FAT3: variants seen among roughly 807,000 people sequenced by gnomAD.
FAT3 encodes the protein protocadherin Fat 3.
Under a neutral mutation model 310.2 loss-of-function variants are expected in FAT3, and 95 were observed. That is an observed-to-expected ratio of 0.31 (90% CI 0.26 to 0.36). The LOEUF (loss-of-function observed/expected upper bound fraction) is 0.36. Among genes scored for constraint, FAT3 ranks in the 10% least tolerant of loss-of-function variants. The pLI is 1.00. For synonymous variants in FAT3, 2,314 were observed against 2,192.9 expected, an observed-to-expected ratio of 1.06 and a Z score of -1.54; for missense variants, 5,408 against 5,715.6, an observed-to-expected ratio of 0.95 and a Z score of 1.74.
chr11:92,612,979 A>G (rs1940635727), intron 3 of FAT3, among the ~76,000 whole-genome samples: 1 of 152,194 alleles, frequency 6.6e-6, no homozygotes, highest in Non-Finnish European at 1.5e-5. Context: ...GAAAAGACTG[A>G]GTAATGCAGC....
At chr11:92,548,477 G>A (rs1954690691) in intron 3 of FAT3, among the ~76,000 whole-genome samples, 1 of 152,162 alleles carries the variant, frequency 6.6e-6, no homozygotes, top group Non-Finnish European at 1.5e-5. Flanking sequence ...CATAAGAAAA[G>A]GGAGCAGCAA....
chr11:92,701,421 G>A (rs757576157), intron 4 of FAT3, among the ~76,000 whole-genome samples: 14 of 152,144 alleles, frequency 9.2e-5, no homozygotes, highest in Non-Finnish European at 1.5e-4. Context: ...ATAAAAGGAG[G>A]GTTGTCATTA....
intron 1 of FAT3, among the ~76,000 whole-genome samples, chr11:92,242,735 C>T (rs1301465043): frequency 6.6e-6 from 1 of 151,940 alleles, no homozygotes; most frequent in Non-Finnish European, 1.5e-5. Context: ...GGTTTCGTAT[C>T]TGAATCTTAT....
intron 2 of FAT3, among the ~76,000 whole-genome samples, chr11:92,503,283 AC>A (rs1441296818): frequency 3.9e-5 from 6 of 152,266 alleles, no homozygotes; most frequent in East Asian, 3.9e-4. Context: ...ATATTGCCTT[AC>A]CAAAAAAAGT....
chr11:92,478,782 A>C (rs564830416), intron 2 of FAT3, among the ~76,000 whole-genome samples: 1 of 151,912 alleles, frequency 6.6e-6, no homozygotes, highest in South Asian at 2.1e-4. Context: ...ACACTTGGCT[A>C]CTAAAAATTT....
chr11:92,879,053 G>A (rs1258689757), intron 22 of FAT3, among the ~76,000 whole-genome samples: 3 of 148,848 alleles, frequency 2.0e-5, no homozygotes, highest in Non-Finnish European at 2.9e-5. Context: ...TTAAAGAGAG[G>A]GGAAAAAAAA....
chr11:92,876,335 C>T (rs889670697), intron 22 of FAT3, among the ~76,000 whole-genome samples: 1 of 152,196 alleles, frequency 6.6e-6, no homozygotes, highest in Admixed American at 6.5e-5. Flanking sequence ...AAGCGTTTTT[C>T]CCAATCCCAG....
chr11:92,228,582 T>A (rs999322903), intron 1 of FAT3, among the ~76,000 whole-genome samples: 6 of 152,206 alleles, frequency 3.9e-5, no homozygotes, highest in African/African-American at 1.4e-4. Context: ...TGATGAATTA[T>A]GTCAAATAGA....
chr11:92,553,029 G>GAGACAGAAT (rs1565405726), intron 3 of FAT3, among the ~76,000 whole-genome samples: 2 of 151,088 alleles, frequency 1.3e-5, no homozygotes, highest in Non-Finnish European at 2.9e-5. Flanking sequence ...AATAGAGGAA[G>GAGACAGAAT]ATAGAGACAG....
At chr11:92,467,261 A>G (rs1951787784) in intron 2 of FAT3, among the ~76,000 whole-genome samples, 1 of 152,056 alleles carries the variant, frequency 6.6e-6, no homozygotes, top group Non-Finnish European at 1.5e-5. Flanking sequence ...TGACTTTTTA[A>G]TGATTGCCAT....
At position 92,528,040 on chromosome 11, in the gene FAT3, C is replaced by A. The variant is rs573559494; in HGVS notation, c.3607+3092C>A. Among the ~76,000 whole-genome samples, 8 of 152,234 alleles carry A rather than the reference C, an allele frequency of 5.3e-5. No homozygotes were observed. The East Asian group carries it at 1.4e-3, about 26-fold the overall frequency. On this transcript the variant is annotated intron_variant, in intron 3 of 27. Transcript: ENST00000525166. ...TAATAAAGATTAAAATGATTAACGC[C>A]AACGCAAATAATGCCAAGATGTATG... is the stretch of plus-strand genomic sequence containing the variant.
chr11:92,727,443 C>T (rs905803288), intron 4 of FAT3, among the ~76,000 whole-genome samples: 4 of 134,222 alleles, frequency 3.0e-5, no homozygotes, highest in African/African-American at 1.1e-4. Flanking sequence ...TTTAATAATG[C>T]TTAAAAAAAA....
At chr11:92,617,578 A>G (rs1940871745) in intron 3 of FAT3, among the ~76,000 whole-genome samples, 1 of 152,156 alleles carries the variant, frequency 6.6e-6, no homozygotes, top group Non-Finnish European at 1.5e-5. Flanking sequence ...TAGAATTATC[A>G]GGTTTTCTGC....
At chr11:92,525,263 TA>T (rs905969441) in intron 3 of FAT3, among the ~76,000 whole-genome samples, 5 of 152,114 alleles carry the variant, frequency 3.3e-5, no homozygotes, top group African/African-American at 9.7e-5. Flanking sequence ...TTGAAAAGAG[TA>T]ACCTGGCCTC....
Position 92,442,081 on chromosome 11 carries a change from TTATATATATA to T in FAT3, c.3293-82531_3293-82522del, listed in dbSNP as rs869247397. On this transcript the variant is annotated intron_variant, in intron 2 of 27. Coordinates refer to ENST00000525166, the MANE Select transcript of FAT3 (RefSeq NM_001367949.2). ...GTGCAAAACTTAAGAAATATATATTTTATATATATATATATATATATATATATATATTTTT... is the reference window on the plus strand; with the variant it reads ...GTGCAAAACTTAAGAAATATATATTTTATATATATATATATATATATTTTT... 1.3e-3 allele frequency among the ~76,000 whole-genome samples: 90 copies of T among 69,962 alleles called. 1 individual carries two copies. Among genetic ancestry groups the T allele is most frequent in the South Asian group, 4.6e-3 (7 of 1,506 alleles). 45.9% of individuals were successfully genotyped at this position (69,962 alleles called of 152,430 possible).
chr11:92,816,859 C>A (rs1308738304), intron 13 of FAT3, among the ~76,000 whole-genome samples: 1 of 152,020 alleles, frequency 6.6e-6, no homozygotes, highest in Non-Finnish European at 1.5e-5. Context: ...GCCTGTAATC[C>A]CAGCTACTCG....
intron 3 of FAT3, among the ~76,000 whole-genome samples, chr11:92,622,538 C>T (rs1203575336): frequency 6.6e-6 from 1 of 152,148 alleles, no homozygotes; most frequent in Non-Finnish European, 1.5e-5. Context: ...GCTGCTTCCT[C>T]AGCCTTGACT....
chr11:92,553,444 C>T (rs1400556998), intron 3 of FAT3, among the ~76,000 whole-genome samples: 1 of 152,174 alleles, frequency 6.6e-6, no homozygotes, highest in Non-Finnish European at 1.5e-5. Flanking sequence ...CTGTTTCTTC[C>T]AGAAAGAAGG....
intron 2 of FAT3, among the ~76,000 whole-genome samples, chr11:92,372,339 A>T (rs117488953): frequency 0.017 from 2,553 of 151,266 alleles, 28 homozygotes; most frequent in Non-Finnish European, 0.024. Flanking sequence ...GTCGATGTTT[A>T]GGTGTCTGTG....
Sources: allele counts gnomAD v4.1 joint callset (sites outside exome capture counted in the v4.1 genomes callset), GRCh38; gene constraint gnomAD v4.1.1; transcripts MANE v1.5; gene names NCBI Gene and HGNC (gene_info 2026-07-23, HGNC 2026-07-21).